Variants in SLC35D1 observed in about 807,000 individuals in gnomAD.
SLC35D1 encodes the protein nucleotide sugar transporter SLC35D1.
A neutral mutation model predicts 46.7 loss-of-function variants in SLC35D1; 31 were observed. That is an observed-to-expected ratio of 0.66 (90% CI 0.50 to 0.90). The LOEUF is 0.90. Among genes scored for constraint, SLC35D1 ranks in the 40% least tolerant of loss-of-function variants. SLC35D1 has a pLI of 0.00. For synonymous variants in SLC35D1, 195 were observed against 164.6 expected (o/e 1.18, Z -1.41); for missense variants, 397 against 426.2 (o/e 0.93, Z 0.60).
chr1:67,012,222 C>T lies in SLC35D1; in HGVS notation c.877-3055G>A, dbSNP rs541435829. On this transcript the variant is annotated intron_variant, in intron 10 of 11. Coordinates refer to ENST00000235345, the MANE Select transcript of SLC35D1 (RefSeq NM_015139.3). ...CTGGTTAGTACTAAAAAAGTCCAGT[C>T]CCATGAGGGCCTACCTATTCTCACA... Among the ~76,000 whole-genome samples, 19 of 152,278 alleles carry T rather than the reference C, an allele frequency of 1.2e-4. No individual in the cohort carries two copies. The South Asian group carries it at 3.7e-3, about 30-fold the overall frequency.
the SLC35D1 span, chr1:66,988,717 A>G: frequency 1.3e-5 from 2 of 152,278 alleles, no homozygotes; most frequent in African/African-American, 4.8e-5. Context: ...ATGGATTCTA[A>G]TTGTCCAAAT....
intron 10 of SLC35D1, among the ~76,000 whole-genome samples, chr1:67,018,942 C>T (rs1272204855): frequency 6.6e-6 from 1 of 152,168 alleles, no homozygotes; most frequent in Non-Finnish European, 1.5e-5. Flanking sequence ...CAGTAGTGAA[C>T]TAATCAGACA....
intron 4 of SLC35D1, among the ~76,000 whole-genome samples, 157 bp downstream of exon 4, chr1:67,051,855 C>A (rs534546697): frequency 9.3e-4 from 142 of 152,242 alleles, no homozygotes; most frequent in Middle Eastern, 6.8e-3. Flanking sequence ...TAAACTAAAA[C>A]CTTTGGCACC....
chr1:67,028,425 TTAAAAA>T (rs1320002513), intron 8 of SLC35D1, among the ~76,000 whole-genome samples: 3 of 152,238 alleles, frequency 2.0e-5, no homozygotes, highest in African/African-American at 7.2e-5. Flanking sequence ...AATTACTGAG[TTAAAAA>T]TATTAAGATC....
chr1:66,974,278 A>G, the SLC35D1 span, among the ~76,000 whole-genome samples: 2 of 152,150 alleles, frequency 1.3e-5, no homozygotes, highest in African/African-American at 4.8e-5. Context: ...TATACCCCTA[A>G]TGTTGTGTTC....
chr1:67,011,028 C>T (rs141714788), intron 10 of SLC35D1, among the ~76,000 whole-genome samples: 275 of 152,236 alleles, frequency 1.8e-3, no homozygotes, highest in Middle Eastern at 0.014. Context: ...AGGGCTGCTA[C>T]CTGTGAGGTT....
At chr1:67,048,153 G>A (rs2102363936) in intron 6 of SLC35D1, among the ~76,000 whole-genome samples, 1 of 152,288 alleles carries the variant, frequency 6.6e-6, no homozygotes, top group South Asian at 2.1e-4. Context: ...GCAATTTTAG[G>A]CAGGACTAAC....
chr1:66,979,953 A>G, the SLC35D1 span, among the ~76,000 whole-genome samples: 1 of 151,492 alleles, frequency 6.6e-6, no homozygotes, highest in Non-Finnish European at 1.5e-5. Flanking sequence ...TAGTAGAGAC[A>G]GGGTTTCTCC....
chr1:67,023,448 T>C (rs535172124), intron 8 of SLC35D1, among the ~76,000 whole-genome samples: 1 of 152,126 alleles, frequency 6.6e-6, no homozygotes, highest in African/African-American at 2.4e-5. Context: ...GACATTAGCA[T>C]TTCTTCTTTG....
At chr1:66,999,324 C>A (rs554477942), downstream of SLC35D1, 1 of 152,302 alleles carries the variant, frequency 6.6e-6, no homozygotes, top group Non-Finnish European at 1.5e-5. Flanking sequence ...TATGGGCAGA[C>A]TTCTGGCTCT....
the SLC35D1 span, among the ~76,000 whole-genome samples, chr1:66,991,899 T>C: frequency 6.6e-6 from 1 of 152,046 alleles, no homozygotes; most frequent in East Asian, 1.9e-4. Context: ...TAATCTGTGG[T>C]AAGCAAAACC....
intron 8 of SLC35D1, among the ~76,000 whole-genome samples, chr1:67,028,567 C>G (rs749874107): frequency 6.6e-6 from 1 of 152,100 alleles, no homozygotes; most frequent in Non-Finnish European, 1.5e-5. Context: ...GAGGAATTAA[C>G]CCATTTTATC....
chr1:66,993,616 C>G, the SLC35D1 span, among the ~76,000 whole-genome samples: 1 of 152,168 alleles, frequency 6.6e-6, no homozygotes, highest in South Asian at 2.1e-4. Flanking sequence ...AAAAGATAGG[C>G]TTTACAGAAA....
At chr1:66,993,524 TA>T in the SLC35D1 span, among the ~76,000 whole-genome samples, 1 of 152,180 alleles carries the variant, frequency 6.6e-6, no homozygotes, top group Non-Finnish European at 1.5e-5. Context: ...TGATATAAAA[TA>T]ATATGTACTG....
In SLC35D1 at chr1:67,047,682, T is replaced by TGAAGCAGGCA. The variant is rs111543134; in HGVS notation, c.534-325_534-316dup. On this transcript the variant is annotated intron_variant, in intron 6 of 11. Coordinates refer to ENST00000235345, the MANE Select transcript of SLC35D1 (RefSeq NM_015139.3). ...ACCAAATTACCATTAAGTACATCTG[T>TGAAGCAGGCA]GAAGCAGGCAGAAGCAGGCAGAGCT... Among the ~76,000 whole-genome samples, 4,218 of 152,200 alleles carry TGAAGCAGGCA rather than the reference T, an allele frequency of 0.028. 199 individuals carry two copies. Among genetic ancestry groups the TGAAGCAGGCA allele is most frequent in the African/African-American group, 0.094 (3,918 of 41,476 alleles).
In SLC35D1 at chr1:67,010,251, G is replaced by C. The variant is rs79758315; in HGVS notation, c.877-1084C>G. Among the ~76,000 whole-genome samples, 137 of 152,236 alleles carry C rather than the reference G, an allele frequency of 9.0e-4. 3 individuals carry two copies. The East Asian group carries it at 0.025, about 28-fold the overall frequency. On this transcript the variant is annotated intron_variant, in intron 10 of 11. Transcript: ENST00000235345. ...TGTTGAGTACTATGCTCACTACCTA[G>C]GTGACAGGATCGTTTGTACACCAGG...
chr1:67,045,262 G>T (rs1003064879), intron 7 of SLC35D1, among the ~76,000 whole-genome samples: 9 of 152,168 alleles, frequency 5.9e-5, no homozygotes, highest in African/African-American at 1.9e-4. Context: ...TACACTGACT[G>T]AAACTAGATT....
chr1:66,982,070 T>C, the SLC35D1 span: 876 of 688,534 alleles, frequency 1.3e-3, 20 homozygotes, highest in Admixed American at 0.024. Flanking sequence ...AGCATACATA[T>C]ATACTAACAG....
intron 8 of SLC35D1, among the ~76,000 whole-genome samples, chr1:67,032,716 G>A (rs1380413813): frequency 3.3e-5 from 5 of 151,834 alleles, no homozygotes; most frequent in African/African-American, 1.2e-4. Context: ...ATCACATCAG[G>A]GTAAATGGGG....
Sources: gnomAD v4.1 joint callset for allele counts (sites outside exome capture counted in the v4.1 genomes callset) on GRCh38, gnomAD v4.1.1 for gene constraint, MANE v1.5 for transcripts, NCBI Gene and HGNC (gene_info 2026-07-23, HGNC 2026-07-21) for gene names.